ACOXL: variants seen among roughly 807,000 people sequenced by gnomAD.
The protein encoded by ACOXL is acyl-CoA oxidase like.
ACOXL carries 70 observed loss-of-function variants against 71.9 expected under a neutral mutation model. The observed-to-expected ratio is 0.97, with a 90% CI of 0.80 to 1.19. The LOEUF (loss-of-function observed/expected upper bound fraction) is 1.19, where lower values mean the gene tolerates loss of function less well. ACOXL is among the 50% of genes most tolerant of loss of function. The pLI, the probability that ACOXL is intolerant of heterozygous loss-of-function variation, is 0.00. For missense variants in ACOXL, 703 were observed against 736.3 expected, an observed-to-expected ratio of 0.95 and a Z score of 0.52; for synonymous variants, 253 against 281.6, an observed-to-expected ratio of 0.90 and a Z score of 1.02.
chr2:110,928,251 T>C (rs1259013840), intron 11 of ACOXL, among the ~76,000 whole-genome samples: 1 of 152,228 alleles, frequency 6.6e-6, no homozygotes, highest in Non-Finnish European at 1.5e-5. Context: ...TGTCCTAAGA[T>C]TTCATGTGTA....
At chr2:110,994,705 C>T (rs1459122135) in intron 13 of ACOXL, among the ~76,000 whole-genome samples, 1 of 152,184 alleles carries the variant, frequency 6.6e-6, no homozygotes, top group Non-Finnish European at 1.5e-5. Context: ...GCTTACCTCT[C>T]TTAACTCCTC....
chr2:110,844,812 G>T (rs1691604581), intron 10 of ACOXL, among the ~76,000 whole-genome samples: 1 of 152,052 alleles, frequency 6.6e-6, no homozygotes, highest in African/African-American at 2.4e-5. Flanking sequence ...CTCCCAAAGT[G>T]CTGGGATTAC....
At chr2:110,841,182 C>T (rs1691131902) in intron 9 of ACOXL, among the ~76,000 whole-genome samples, 189 bp from the exon 10 acceptor site, 1 of 152,296 alleles carries the variant, frequency 6.6e-6, no homozygotes, top group Middle Eastern at 3.4e-3. Flanking sequence ...TTTCAAAATA[C>T]AAATTATCTG....
chr2:110,760,921 G>C (rs1009985791), intron 1 of ACOXL, among the ~76,000 whole-genome samples: 1 of 152,206 alleles, frequency 6.6e-6, no homozygotes, highest in Non-Finnish European at 1.5e-5. Flanking sequence ...GATTTAAGGG[G>C]TAGGAAAATA....
At chr2:110,847,065 T>C (rs13019266) in intron 10 of ACOXL, among the ~76,000 whole-genome samples, 98,357 of 151,822 alleles carry the variant, frequency 0.65, 32,554 homozygotes, top group South Asian at 0.8. Context: ...TTGAGGTTTT[T>C]GGGTGGAATC....
chr2:110,767,923 A>AACACACAC (rs58524964), intron 1 of ACOXL, among the ~76,000 whole-genome samples: 28 of 114,450 alleles, frequency 2.4e-4, no homozygotes, highest in African/African-American at 5.2e-4. Context: ...GTCTCTACTA[A>AACACACAC]ACACACACAC....
intron 11 of ACOXL, among the ~76,000 whole-genome samples, chr2:110,917,173 A>G (rs1267162119): frequency 6.6e-6 from 1 of 152,194 alleles, no homozygotes; most frequent in Non-Finnish European, 1.5e-5. Context: ...ATACTGGCAA[A>G]CCGAATCCAG....
In ACOXL at chr2:110,762,039, G is replaced by A. The variant is rs139299383; in HGVS notation, c.-22-6329G>A. ...AGGCTTTGTTGTTTGGTGTGTACACGTTTAGGATTGTTATGTCTTCTTTGT... is the reference window on the plus strand; with the variant it reads ...AGGCTTTGTTGTTTGGTGTGTACACATTTAGGATTGTTATGTCTTCTTTGT... On this transcript the variant is annotated intron_variant, in intron 1 of 17. Transcript: ENST00000439055. Among the ~76,000 whole-genome samples, 1,091 of 152,244 alleles carry A rather than the reference G, an allele frequency of 7.2e-3. 5 individuals are homozygous for A. Among genetic ancestry groups the A allele is most frequent in the Non-Finnish European group, 0.012 (793 of 68,006 alleles).
intron 9 of ACOXL, among the ~76,000 whole-genome samples, chr2:110,830,694 T>G (rs1689721494): frequency 6.6e-6 from 1 of 152,036 alleles, no homozygotes; most frequent in South Asian, 2.1e-4. Context: ...CCACCACGCC[T>G]GGCTAAATTT....
chr2:111,019,126 G>A (rs1020033660), intron 14 of ACOXL, among the ~76,000 whole-genome samples: 5 of 152,180 alleles, frequency 3.3e-5, no homozygotes, highest in East Asian at 3.8e-4. Context: ...TCAGCTGAAC[G>A]TGAAGATCAT....
chr2:110,760,434 G>A (rs552002231), intron 1 of ACOXL, among the ~76,000 whole-genome samples: 20 of 152,262 alleles, frequency 1.3e-4, no homozygotes, highest in African/African-American at 3.4e-4. Context: ...GTGAGCCACC[G>A]CACCCAGCCA....
chr2:110,796,054 G>T (rs1187539475), intron 5 of ACOXL: 1 of 151,892 alleles, frequency 6.6e-6, no homozygotes, highest in Non-Finnish European at 1.5e-5. Context: ...TCATACCACC[G>T]AGAACTGACA....
In ACOXL at chr2:110,980,084, A is replaced by G. The variant is rs549627126; in HGVS notation, c.1060-7024A>G. 5.8e-4 allele frequency among the ~76,000 whole-genome samples: 89 copies of G among 152,312 alleles called. 1 individual carries two copies. The highest frequency in any genetic ancestry group is 2.0e-3 in the African/African-American group (84 of 41,568). Reference sequence around the variant, plus strand: ...TAGGCCAGGGCGGCCTCATGGCCAGATAGCCCAGGCTCTGTTTCACCCACA... The same window carrying G: ...TAGGCCAGGGCGGCCTCATGGCCAGGTAGCCCAGGCTCTGTTTCACCCACA... On this transcript the variant is annotated intron_variant, in intron 12 of 17. Coordinates refer to ENST00000439055, the MANE Select transcript of ACOXL (RefSeq NM_001142807.4).
intron 14 of ACOXL, among the ~76,000 whole-genome samples, chr2:111,006,855 G>A (rs1001928589): frequency 1.6e-4 from 24 of 152,112 alleles, no homozygotes; most frequent in Admixed American, 3.3e-4. Flanking sequence ...CACCGCACCC[G>A]GCTGTCTTTC....
intron 14 of ACOXL, among the ~76,000 whole-genome samples, chr2:111,001,851 G>A (rs2063649569): frequency 1.3e-5 from 2 of 152,148 alleles, no homozygotes; most frequent in African/African-American, 4.8e-5. Flanking sequence ...ACTTTTGTGG[G>A]CCTTGGAAGT....
intron 12 of ACOXL, among the ~76,000 whole-genome samples, chr2:110,964,448 A>G (rs368760280): frequency 1.3e-5 from 2 of 152,370 alleles, no homozygotes; most frequent in African/African-American, 4.8e-5. Context: ...GTAAGTAAAA[A>G]TGATACAAAA....
chr2:110,980,814 C>A (rs1032563103), intron 12 of ACOXL, among the ~76,000 whole-genome samples: 2 of 152,206 alleles, frequency 1.3e-5, no homozygotes, highest in Non-Finnish European at 2.9e-5. Context: ...CCGCTCTGCC[C>A]GCGGCCCTGA....
intron 14 of ACOXL, among the ~76,000 whole-genome samples, chr2:111,008,454 C>G (rs1218592863): frequency 6.6e-6 from 1 of 152,052 alleles, no homozygotes; most frequent in Non-Finnish European, 1.5e-5. Context: ...AGAGATCTAC[C>G]TCATTCATTT....
chr2:111,003,912 G>A (rs934587465), intron 14 of ACOXL, among the ~76,000 whole-genome samples: 1 of 152,160 alleles, frequency 6.6e-6, no homozygotes, highest in East Asian at 1.9e-4. Flanking sequence ...CAAAATAAAA[G>A]ATATGATAAA....
Sources: allele counts gnomAD v4.1 joint callset (sites outside exome capture counted in the v4.1 genomes callset), GRCh38; gene constraint gnomAD v4.1.1; transcripts MANE v1.5; gene names NCBI Gene and HGNC (gene_info 2026-07-23, HGNC 2026-07-21).